Variants in GLIS3 observed in about 807,000 individuals in gnomAD.
The protein encoded by GLIS3 is zinc finger protein GLIS3.
Under a neutral mutation model 78.6 loss-of-function variants are expected in GLIS3, and 53 were observed. That is an observed-to-expected ratio of 0.67 (90% confidence interval 0.54 to 0.85). GLIS3 has a LOEUF of 0.85. Ranked by LOEUF, GLIS3 falls within the 40% of genes least tolerant of loss-of-function variation. The pLI, the probability that GLIS3 is intolerant of heterozygous loss-of-function variation, is 0.00. For synonymous variants in GLIS3, 684 were observed against 509.9 expected (o/e 1.34, Z -4.60); for missense variants, 1,703 against 1,231.1 (o/e 1.38, Z -5.74).
At chr9:4,398,999 T>C in the GLIS3 span, among the ~76,000 whole-genome samples, 1 of 152,234 alleles carries the variant, frequency 6.6e-6, no homozygotes, top group Non-Finnish European at 1.5e-5. Flanking sequence ...CTCAAGTTCT[T>C]AGATTCCTTT....
At chr9:4,004,371 G>A (rs1052282242) in intron 4 of GLIS3, among the ~76,000 whole-genome samples, 1 of 152,114 alleles carries the variant, frequency 6.6e-6, no homozygotes, top group Admixed American at 6.6e-5. Context: ...CAGGGAAGGA[G>A]TTTAATACAT....
chr9:4,029,425 C>A (rs534883108), intron 4 of GLIS3, among the ~76,000 whole-genome samples: 1 of 150,434 alleles, frequency 6.6e-6, no homozygotes, highest in Non-Finnish European at 1.5e-5. Flanking sequence ...ATGTGTTATC[C>A]GTCCCCTTAA....
chr9:4,144,534 G>C (rs1834062046), intron 2 of GLIS3, among the ~76,000 whole-genome samples: 1 of 152,126 alleles, frequency 6.6e-6, no homozygotes, highest in Admixed American at 6.5e-5. Flanking sequence ...TGAGCTCATT[G>C]GACTCTACAT....
intron 9 of GLIS3, among the ~76,000 whole-genome samples, chr9:3,852,229 C>G (rs1374072075): frequency 6.6e-6 from 1 of 151,994 alleles, no homozygotes; most frequent in African/African-American, 2.4e-5. Context: ...GTAGCAATGC[C>G]CAGACATTTT....
In GLIS3 at chr9:4,264,092, T is replaced by C. The variant is rs72690056; in HGVS notation, c.388+21946A>G. ...TCCCCACTTGAAGAACTAATAGGTA[T>C]CTCAAATACAATTATTTTCAGAACA... On this transcript the variant is annotated intron_variant, in intron 2 of 10. Coordinates refer to ENST00000381971, the MANE Select transcript of GLIS3 (RefSeq NM_001042413.2). Among the ~76,000 whole-genome samples, 962 of 152,282 alleles carry C rather than the reference T, an allele frequency of 6.3e-3. 6 individuals carry two copies. Among genetic ancestry groups the C allele is most frequent in the Non-Finnish European group, 9.9e-3 (670 of 68,020 alleles).
At chr9:4,006,856 ACTC>A (rs1404749654) in intron 4 of GLIS3, among the ~76,000 whole-genome samples, 2 of 152,032 alleles carry the variant, frequency 1.3e-5, no homozygotes, top group African/African-American at 2.4e-5. Flanking sequence ...TCTATCAAAA[ACTC>A]CTACGGTGCT....
intron 2 of GLIS3, among the ~76,000 whole-genome samples, chr9:4,196,091 C>T (rs1818815567): frequency 6.6e-6 from 1 of 151,632 alleles, no homozygotes; most frequent in African/African-American, 2.4e-5. Flanking sequence ...CTCTGTCTAG[C>T]TCAAGGTTTG....
chr9:4,483,775 A>G, the GLIS3 span, among the ~76,000 whole-genome samples: 2,959 of 151,442 alleles, frequency 0.02, 92 homozygotes, highest in African/African-American at 0.068. Context: ...TTCTAGAGCC[A>G]GACCATCTGG....
chr9:4,057,550 G>A (rs1021863357), intron 4 of GLIS3, among the ~76,000 whole-genome samples: 1 of 151,726 alleles, frequency 6.6e-6, no homozygotes, highest in Non-Finnish European at 1.5e-5. Context: ...TTTGAGGTCT[G>A]TTTCAGAATC....
chr9:4,210,110 T>C (rs958356726), intron 2 of GLIS3, among the ~76,000 whole-genome samples: 1 of 152,218 alleles, frequency 6.6e-6, no homozygotes, highest in African/African-American at 2.4e-5. Flanking sequence ...ATTTACTGAA[T>C]AAAAGATGCT....
chr9:4,092,043 C>T (rs997880344), intron 4 of GLIS3, among the ~76,000 whole-genome samples: 1 of 152,188 alleles, frequency 6.6e-6, no homozygotes, highest in East Asian at 1.9e-4. Flanking sequence ...TAGGACATTC[C>T]TGTACACAAC....
At chr9:4,321,286 G>T (rs1308312184) in intron 2 of GLIS3, among the ~76,000 whole-genome samples, 6 of 130,928 alleles carry the variant, frequency 4.6e-5, no homozygotes, top group Admixed American at 7.3e-5. Flanking sequence ...GCCGGGAGTG[G>T]TGGCGGGCGC....
At chr9:3,878,528 C>T (rs1821481469) in intron 8 of GLIS3, 1 of 152,154 alleles carries the variant, frequency 6.6e-6, no homozygotes, top group African/African-American at 2.4e-5. Flanking sequence ...CCTGATTTCA[C>T]CAGTAATCTC....
chr9:4,198,660 T>A (rs532659954), intron 2 of GLIS3, among the ~76,000 whole-genome samples: 1 of 150,604 alleles, frequency 6.6e-6, no homozygotes, highest in Admixed American at 6.6e-5. Flanking sequence ...TTCAAGAAAA[T>A]TTCCCCAATC....
Position 3,896,670 on chromosome 9 carries a change from T to TAAAAAAAAAAA in GLIS3, c.2128+2010_2128+2020dup, listed in dbSNP as rs60086001. ...GACAGAGTGAGACTCCCATCTCAAT[T>TAAAAAAAAAAA]AAAAAAAAAAAGAAGTAGAGAGGGT... is the stretch of plus-strand genomic sequence containing the variant. On this transcript the variant is annotated intron_variant, in intron 7 of 10. Transcript: ENST00000381971. Among the ~76,000 whole-genome samples, 86 of 50,006 alleles carry TAAAAAAAAAAA rather than the reference T, an allele frequency of 1.7e-3. 36 individuals carry two copies. Among genetic ancestry groups the TAAAAAAAAAAA allele is most frequent in the Middle Eastern group, 0.056 (2 of 36 alleles). The allele number at this position is 50,006 out of a possible 152,430, so 32.8% of individuals were successfully genotyped here. A position where few individuals can be genotyped will look rare whatever the true frequency, so the allele number is the denominator to read the frequency against.
chr9:4,428,132 T>C, the GLIS3 span, among the ~76,000 whole-genome samples: 1 of 152,028 alleles, frequency 6.6e-6, no homozygotes, highest in African/African-American at 2.4e-5. Context: ...GGTGGCAATA[T>C]GGACCCCTTA....
At chr9:4,135,058 T>A (rs187825092) in intron 2 of GLIS3, among the ~76,000 whole-genome samples, 1 of 152,242 alleles carries the variant, frequency 6.6e-6, no homozygotes, top group Admixed American at 6.5e-5. Flanking sequence ...AAGAAATACA[T>A]TATTTATTGT....
chr9:3,835,588 G>A (rs1388835736), intron 9 of GLIS3, among the ~76,000 whole-genome samples: 1 of 152,228 alleles, frequency 6.6e-6, no homozygotes, highest in Non-Finnish European at 1.5e-5. Flanking sequence ...AGAAGAAACA[G>A]TGACTAATGT....
intron 4 of GLIS3, among the ~76,000 whole-genome samples, chr9:4,086,644 C>T (rs1829043422): frequency 6.6e-6 from 1 of 152,198 alleles, no homozygotes; most frequent in African/African-American, 2.4e-5. Flanking sequence ...GGACTTTCCA[C>T]TGTATGTCCT....
Sources: allele counts gnomAD v4.1 joint callset (sites outside exome capture counted in the v4.1 genomes callset), GRCh38; gene constraint gnomAD v4.1.1; transcripts MANE v1.5; gene names NCBI Gene and HGNC (gene_info 2026-07-23, HGNC 2026-07-21).